The following PRKCB variants were observed in gnomAD, a reference collection of about 807,000 sequenced individuals.
PRKCB encodes the protein protein kinase C beta.
In PRKCB, 13 loss-of-function variants were observed where a neutral mutation model predicts 81.5. That is an observed-to-expected ratio of 0.16 (90% confidence interval 0.10 to 0.25). The LOEUF (loss-of-function observed/expected upper bound fraction) is 0.25, where lower values mean the gene tolerates loss of function less well. Among genes scored for constraint, PRKCB ranks in the 10% least tolerant of loss-of-function variants. The pLI is 1.00. For missense variants in PRKCB, 509 were observed against 875.7 expected (o/e 0.58, Z 5.29); for synonymous variants, 335 against 321.4 (o/e 1.04, Z -0.45).
intron 2 of PRKCB, among the ~76,000 whole-genome samples, chr16:23,973,158 C>G (rs1157253698): frequency 6.6e-6 from 1 of 151,752 alleles, no homozygotes; most frequent in Non-Finnish European, 1.5e-5. Flanking sequence ...ATATTTAATC[C>G]TCAGTGAAAT....
intron 5 of PRKCB, among the ~76,000 whole-genome samples, chr16:24,036,006 A>C (rs1965612907): frequency 1.3e-5 from 2 of 152,118 alleles, no homozygotes; most frequent in Admixed American, 1.3e-4. Context: ...AGATTTGGAG[A>C]ATATAATATC....
At chr16:24,079,125 G>A (rs1966217212) in intron 5 of PRKCB, among the ~76,000 whole-genome samples, 1 of 152,152 alleles carries the variant, frequency 6.6e-6, no homozygotes, top group South Asian at 2.1e-4. Flanking sequence ...CACCCTAACT[G>A]ATACGATATA....
chr16:23,999,176 G>T (rs1475606401), intron 3 of PRKCB, among the ~76,000 whole-genome samples: 1 of 152,232 alleles, frequency 6.6e-6, no homozygotes, highest in African/African-American at 2.4e-5. Context: ...AGCTGCCCCT[G>T]ATACTCATGC....
chr16:23,909,887 G>A (rs145531014), intron 2 of PRKCB, among the ~76,000 whole-genome samples: 62 of 152,204 alleles, frequency 4.1e-4, no homozygotes, highest in African/African-American at 1.4e-3. Context: ...CATTCAGAAA[G>A]TCTCCATGAT....
chr16:24,037,081 C>T (rs556170997), intron 5 of PRKCB, among the ~76,000 whole-genome samples: 3 of 152,254 alleles, frequency 2.0e-5, no homozygotes, highest in South Asian at 2.1e-4. Context: ...CTCCACCTCC[C>T]GGGTTCAAGC....
chr16:23,869,985 G>A (rs1005685746), intron 2 of PRKCB, among the ~76,000 whole-genome samples: 1 of 150,568 alleles, frequency 6.6e-6, no homozygotes, highest in Non-Finnish European at 1.5e-5. Context: ...TCGCGCCATT[G>A]CACTCTAGCC....
Position 24,216,705 on chromosome 16 carries a change from A to T in PRKCB, c.*1889A>T. The T allele has an allele frequency of 1.0e-6, 1 of 985,488 alleles. No homozygotes were observed. The highest frequency in any genetic ancestry group is 1.2e-6 in the Non-Finnish European group (1 of 829,970). 61.0% of individuals were successfully genotyped at this position (985,488 alleles called of 1,614,324 possible). ...TCCCTGCTGTCCCCACTGTGGTGGC[A>T]ATCAGGACCTAAGGTGAAGCAAACT... On this transcript the variant is annotated 3_prime_UTR_variant, in exon 17 of 17. Transcript: ENST00000643927.
chr16:23,912,992 T>G (rs1381891759), intron 2 of PRKCB, among the ~76,000 whole-genome samples: 2 of 151,788 alleles, frequency 1.3e-5, no homozygotes, highest in Non-Finnish European at 2.9e-5. Flanking sequence ...GCCCAGCTAA[T>G]TGTTGTATTT....
intron 2 of PRKCB, among the ~76,000 whole-genome samples, chr16:23,911,051 T>G (rs1370928841): frequency 1.3e-5 from 2 of 151,950 alleles, no homozygotes; most frequent in Non-Finnish European, 2.9e-5. Context: ...ATATTTTGTC[T>G]ATTTATTCAT....
At chr16:23,910,726 C>T (rs1044434384) in intron 2 of PRKCB, among the ~76,000 whole-genome samples, 2 of 152,066 alleles carry the variant, frequency 1.3e-5, no homozygotes, top group East Asian at 3.8e-4. Context: ...TGGTTTTAAA[C>T]ATATTTATAA....
chr16:24,033,430 G>C (rs1400111718), intron 4 of PRKCB, among the ~76,000 whole-genome samples: 1 of 152,148 alleles, frequency 6.6e-6, no homozygotes, highest in African/African-American at 2.4e-5. Flanking sequence ...CTCAGCTAGA[G>C]AGAGACTCAG....
intron 16 of PRKCB, among the ~76,000 whole-genome samples, chr16:24,195,083 G>A (rs1018202788): frequency 6.6e-6 from 1 of 151,880 alleles, no homozygotes; most frequent in Non-Finnish European, 1.5e-5. Context: ...TCCACCTGTA[G>A]TCCCAGCTAC....
At chr16:24,142,629 G>T (rs1369813250) in intron 9 of PRKCB, among the ~76,000 whole-genome samples, 1 of 152,166 alleles carries the variant, frequency 6.6e-6, no homozygotes, top group Admixed American at 6.5e-5. Context: ...ACCTCCACAG[G>T]GAGTTCTAAT....
intron 3 of PRKCB, among the ~76,000 whole-genome samples, chr16:24,001,372 T>C (rs539134055): frequency 6.6e-6 from 1 of 152,366 alleles, no homozygotes; most frequent in South Asian, 2.1e-4. Context: ...CAATTAGAGA[T>C]GGTAGACACT....
chr16:23,868,705 G>A (rs1466866447), intron 2 of PRKCB, among the ~76,000 whole-genome samples: 1 of 152,172 alleles, frequency 6.6e-6, no homozygotes, highest in African/African-American at 2.4e-5. Context: ...TTCAGAACTG[G>A]TAAGAGTTTG....
intron 3 of PRKCB, among the ~76,000 whole-genome samples, chr16:24,018,702 G>A (rs1386032254): frequency 1.3e-5 from 2 of 152,238 alleles, no homozygotes; most frequent in Non-Finnish European, 2.9e-5. Flanking sequence ...GGGGTTAGAA[G>A]AGGGCAGGGT....
intron 7 of PRKCB, among the ~76,000 whole-genome samples, chr16:24,110,443 C>G (rs1966661198): frequency 2.0e-5 from 3 of 150,920 alleles, no homozygotes; most frequent in Admixed American, 6.6e-5. Flanking sequence ...GATCTCCTGA[C>G]CTGGTGATCT....
At chr16:24,146,086 A>T (rs1221290025) in intron 9 of PRKCB, among the ~76,000 whole-genome samples, 1 of 152,134 alleles carries the variant, frequency 6.6e-6, no homozygotes, top group African/African-American at 2.4e-5. Context: ...CAGAGATTGG[A>T]GTGATGCGCT....
chr16:23,936,127 A>T lies in PRKCB; in HGVS notation c.206-52381A>T, dbSNP rs1567319209. 2.0e-5 allele frequency among the ~76,000 whole-genome samples: 3 copies of T among 151,616 alleles called. 1 individual carries two copies. Among genetic ancestry groups the T allele is most frequent in the Admixed American group, 1.3e-4 (2 of 15,238 alleles). Reference sequence around the variant, plus strand: ...CCCTTCTCTGGATATCTTTTCAGAAATCTTTTCCTTCACCCCCTTTGTTGT... The same window carrying T: ...CCCTTCTCTGGATATCTTTTCAGAATTCTTTTCCTTCACCCCCTTTGTTGT... On this transcript the variant is annotated intron_variant, in intron 2 of 16. Transcript: ENST00000643927.
Sources: gnomAD v4.1 joint callset for allele counts (sites outside exome capture counted in the v4.1 genomes callset) on GRCh38, gnomAD v4.1.1 for gene constraint, MANE v1.5 for transcripts, NCBI Gene and HGNC (gene_info 2026-07-23, HGNC 2026-07-21) for gene names.